The following FRMPD4 variants were observed in gnomAD, a reference collection of about 807,000 sequenced individuals.
FRMPD4 encodes the protein FERM and PDZ domain containing 4, also known as FERM and PDZ domain-containing protein 4.
FRMPD4 carries 22 observed loss-of-function variants against 94.1 expected under a neutral mutation model. That is an observed-to-expected ratio of 0.23 (90% confidence interval 0.17 to 0.33). The LOEUF is 0.33. FRMPD4 is among the 10% of genes least tolerant of loss of function. The pLI, the probability that FRMPD4 is intolerant of heterozygous loss-of-function variation, is 1.00. For missense variants in FRMPD4, 1,111 were observed against 1,339.9 expected (o/e 0.83, Z 2.67); for synonymous variants, 631 against 548.6 (o/e 1.15, Z -2.10).
At chrX:12,112,421 G>A (rs979578774) in intron 3 of FRMPD4, among the ~76,000 whole-genome samples, 13 of 110,145 alleles carry the variant, frequency 1.2e-4, no homozygotes, top group African/African-American at 4.3e-4. Context: ...TTGTCATGAG[G>A]TGGGAGGTAG....
chrX:11,877,604 G>A (rs1164225402), intron 2 of FRMPD4, among the ~76,000 whole-genome samples: 1 of 111,972 alleles, frequency 8.9e-6, no homozygotes, highest in East Asian at 2.8e-4. Flanking sequence ...CCTAATTGCT[G>A]TTTTCTTAAA....
At chrX:12,286,285 T>C (rs2054598939) in intron 1 of FRMPD4, among the ~76,000 whole-genome samples, 1 of 110,949 alleles carries the variant, frequency 9.0e-6, no homozygotes, top group African/African-American at 3.3e-5. Flanking sequence ...TGTGAGATAA[T>C]CTTGCTGTCA....
intron 1 of FRMPD4, among the ~76,000 whole-genome samples, chrX:12,234,325 G>A (rs1341284244): frequency 8.9e-6 from 1 of 112,146 alleles, no homozygotes; most frequent in East Asian, 2.8e-4. Context: ...TGTTGTGAGA[G>A]TGATAAAGAA....
At chrX:11,945,248 C>T (rs369497645) in intron 3 of FRMPD4, among the ~76,000 whole-genome samples, 10 of 111,709 alleles carry the variant, frequency 9.0e-5, no homozygotes, top group East Asian at 2.8e-4. Context: ...TGACTTGGGA[C>T]GGGAAATTTA....
chrX:12,030,116 C>G (rs185583296), intron 3 of FRMPD4, among the ~76,000 whole-genome samples: 1 of 112,264 alleles, frequency 8.9e-6, no homozygotes, highest in South Asian at 3.7e-4. Flanking sequence ...ACGCTAAAAA[C>G]CAGTCTAACT....
At chrX:11,964,318 C>T (rs752570313) in intron 3 of FRMPD4, among the ~76,000 whole-genome samples, 132 of 110,518 alleles carry the variant, frequency 1.2e-3, no homozygotes, top group African/African-American at 4.3e-3. Context: ...CGCCACCACA[C>T]CTGGCTAATT....
intron 1 of FRMPD4, among the ~76,000 whole-genome samples, chrX:12,308,265 TC>T (rs1443327825): frequency 8.9e-6 from 1 of 112,006 alleles, no homozygotes; most frequent in Non-Finnish European, 1.9e-5. Context: ...CTCACCAAGG[TC>T]ATTGCAGAGC....
chrX:12,499,473 T>A (rs2148226277), intron 2 of FRMPD4, among the ~76,000 whole-genome samples: 1 of 112,252 alleles, frequency 8.9e-6, no homozygotes, highest in Non-Finnish European at 1.9e-5. Context: ...TTCCAGAACT[T>A]TTTCATGATA....
chrX:12,088,290 C>A (rs971367870), intron 3 of FRMPD4, among the ~76,000 whole-genome samples: 1 of 111,676 alleles, frequency 9.0e-6, no homozygotes, highest in Non-Finnish European at 1.9e-5. Context: ...GTCTTCACAC[C>A]GTGAAAGAGG....
chrX:12,033,948 C>T (rs766545642), intron 3 of FRMPD4, among the ~76,000 whole-genome samples: 12 of 112,540 alleles, frequency 1.1e-4, no homozygotes, highest in African/African-American at 3.2e-4. Context: ...CCGCCCGCCT[C>T]GGCCTCCCAA....
intron 3 of FRMPD4, among the ~76,000 whole-genome samples, chrX:11,920,214 A>AT (rs928870756): frequency 3.1e-4 from 35 of 112,044 alleles, no homozygotes; most frequent in Admixed American, 7.6e-4. Context: ...ACATTTTTTC[A>AT]TTTTTTTCAC....
chrX:12,544,206 G>A (rs761071487), intron 2 of FRMPD4, among the ~76,000 whole-genome samples: 2 of 110,611 alleles, frequency 1.8e-5, no homozygotes, highest in East Asian at 5.6e-4. Context: ...TGCATGTTGT[G>A]CACATGTACC....
chrX:11,944,503 G>C (rs2054178580), intron 3 of FRMPD4, among the ~76,000 whole-genome samples: 1 of 112,027 alleles, frequency 8.9e-6, no homozygotes, highest in Non-Finnish European at 1.9e-5. Context: ...CTTAGCATTT[G>C]TGATTTCATG....
intron 1 of FRMPD4, among the ~76,000 whole-genome samples, chrX:12,260,955 G>A (rs2054180376): frequency 9.0e-6 from 1 of 111,009 alleles, no homozygotes; most frequent in African/African-American, 3.3e-5. Context: ...CCCTCCCCTG[G>A]GCTGTACTCA....
At chrX:12,365,587 A>G (rs2056062651) in intron 1 of FRMPD4, among the ~76,000 whole-genome samples, 1 of 111,083 alleles carries the variant, frequency 9.0e-6, no homozygotes, top group Non-Finnish European at 1.9e-5. Context: ...CTGTTGTCTG[A>G]GCCTGTCTTT....
At chrX:12,557,761 C>G (rs942134341) in intron 2 of FRMPD4, among the ~76,000 whole-genome samples, 4 of 111,510 alleles carry the variant, frequency 3.6e-5, no homozygotes, top group African/African-American at 1.3e-4. Context: ...CCCCCCCTCC[C>G]CAGGTGGGCC....
chrX:12,359,472 CTTTTTT>C (rs34380413), intron 1 of FRMPD4, among the ~76,000 whole-genome samples: 2 of 98,035 alleles, frequency 2.0e-5, no homozygotes. Context: ...TTTCTTTTTT[CTTTTTT>C]TTTTTTTGAA....
intron 3 of FRMPD4, among the ~76,000 whole-genome samples, chrX:12,055,838 A>G (rs867463709): frequency 4.5e-5 from 5 of 111,692 alleles, no homozygotes; most frequent in Admixed American, 1.9e-4. Flanking sequence ...TGTCTGCAAT[A>G]TGGATAATTA....
chrX:12,374,495 T>TCGCC (rs1400101080), intron 1 of FRMPD4, among the ~76,000 whole-genome samples: 1 of 112,056 alleles, frequency 8.9e-6, no homozygotes, highest in East Asian at 2.8e-4. Context: ...AGTCAGCTGC[T>TCGCC]TGCCTGGGGA....
Sources: gnomAD v4.1 joint callset for allele counts (sites outside exome capture counted in the v4.1 genomes callset) on GRCh38, gnomAD v4.1.1 for gene constraint, MANE v1.5 for transcripts, NCBI Gene and HGNC (gene_info 2026-07-23, HGNC 2026-07-21) for gene names.